The following RPTOR variants were observed in gnomAD, a reference collection of about 807,000 sequenced individuals.
RPTOR encodes regulatory associated protein of MTOR complex 1, also known as regulatory-associated protein of mTOR.
RPTOR carries 21 observed loss-of-function variants against 169.9 expected under a neutral mutation model. The observed-to-expected ratio is 0.12, with a 90% CI of 0.09 to 0.18. The LOEUF (loss-of-function observed/expected upper bound fraction) is 0.18, where lower values mean the gene tolerates loss of function less well. Ranked by LOEUF, RPTOR falls within the 10% of genes least tolerant of loss-of-function variation. The pLI, the probability that RPTOR is intolerant of heterozygous loss-of-function variation, is 1.00. For missense variants in RPTOR, 1,133 were observed against 1,855.9 expected, an observed-to-expected ratio of 0.61 and a Z score of 7.16; for synonymous variants, 732 against 753.2, an observed-to-expected ratio of 0.97 and a Z score of 0.46.
In RPTOR at chr17:80,576,233, T is replaced by C. The variant is rs577759378; in HGVS notation, c.162+30442T>C. 5.1e-4 allele frequency among the ~76,000 whole-genome samples: 78 copies of C among 152,356 alleles called. 1 individual carries two copies. The highest frequency in any genetic ancestry group is 1.7e-3 in the African/African-American group (71 of 41,588). On this transcript the variant is annotated intron_variant, in intron 1 of 33. Coordinates refer to ENST00000306801, the MANE Select transcript of RPTOR (RefSeq NM_020761.3). ...TAAATCTGCCATCTCTTTTGTGCTT[T>C]CTATTTGTCCTTCCTGTAATGTTTT... is the stretch of plus-strand genomic sequence containing the variant.
At chr17:80,961,638 C>T in intron 31 of RPTOR, 158 bp downstream of exon 31, 2 of 832,328 alleles carry the variant, frequency 2.4e-6, no homozygotes, top group Non-Finnish European at 3.6e-6. Flanking sequence ...TCAGGCGCAG[C>T]CCGTAGGGGC....
At chr17:80,576,179 C>T (rs2064961565) in intron 1 of RPTOR, among the ~76,000 whole-genome samples, 1 of 152,154 alleles carries the variant, frequency 6.6e-6, no homozygotes, top group Non-Finnish European at 1.5e-5. Context: ...TCAGTTGGAG[C>T]ACTTAGTCTA....
At chr17:80,625,165 C>T (rs1015342646) in intron 1 of RPTOR, among the ~76,000 whole-genome samples, 3 of 152,096 alleles carry the variant, frequency 2.0e-5, no homozygotes, top group African/African-American at 2.4e-5. Context: ...AGATGGTCCA[C>T]GGAGAGTGAA....
chr17:80,710,571 ATGTGTGTGTGTGTGTGTGTG>A (rs59732457), intron 4 of RPTOR, among the ~76,000 whole-genome samples: 5 of 145,024 alleles, frequency 3.4e-5, no homozygotes, highest in South Asian at 2.2e-4. Context: ...GGTTATTTGT[ATGTGTGTGTGTGTGTGTGTG>A]TGTGTGTGTG....
At chr17:80,963,446 C>G (rs2069375208) in intron 33 of RPTOR, among the ~76,000 whole-genome samples, 6 of 97,016 alleles carry the variant, frequency 6.2e-5, no homozygotes, top group Admixed American at 2.0e-4. Flanking sequence ...CACCCCGTCC[C>G]CTCTGCGGCC....
chr17:80,691,313 G>A lies in RPTOR; in HGVS notation c.349-16528G>A, dbSNP rs563756170. Reference sequence around the variant, plus strand: ...GCATGTCGTGTGTGTGTGCATGCACGTGTGTGCATGCATAGGTATGTGTGT... The same window carrying A: ...GCATGTCGTGTGTGTGTGCATGCACATGTGTGCATGCATAGGTATGTGTGT... On this transcript the variant is annotated intron_variant, in intron 3 of 33. Coordinates refer to ENST00000306801, the MANE Select transcript of RPTOR (RefSeq NM_020761.3). Among the ~76,000 whole-genome samples, 416 of 110,520 alleles carry A rather than the reference G, an allele frequency of 3.8e-3. 3 individuals are homozygous for A. Among genetic ancestry groups the A allele is most frequent in the African/African-American group, 0.022 (397 of 18,222 alleles). The allele number at this position is 110,520 out of a possible 152,430, so 72.5% of individuals were successfully genotyped here. A position where few individuals can be genotyped will look rare whatever the true frequency, so the allele number is the denominator to read the frequency against.
At chr17:80,930,080 C>T (rs886461963) in intron 24 of RPTOR, among the ~76,000 whole-genome samples, 2 of 150,418 alleles carry the variant, frequency 1.3e-5, no homozygotes, top group Non-Finnish European at 3.0e-5. Flanking sequence ...CCCAGCTCAT[C>T]CCCAGCGCAT....
intron 1 of RPTOR, among the ~76,000 whole-genome samples, chr17:80,573,884 C>T (rs568235317): frequency 6.6e-6 from 1 of 152,350 alleles, no homozygotes; most frequent in African/African-American, 2.4e-5. Flanking sequence ...TAGCACTGGC[C>T]TTCCCCATTT....
intron 28 of RPTOR, among the ~76,000 whole-genome samples, chr17:80,954,768 T>G (rs999991936): frequency 6.6e-6 from 1 of 152,034 alleles, no homozygotes; most frequent in African/African-American, 2.4e-5. Context: ...AATACAAAAA[T>G]TAGCTGGACA....
intron 20 of RPTOR, among the ~76,000 whole-genome samples, chr17:80,900,739 C>G (rs1197048558): frequency 1.3e-5 from 2 of 152,228 alleles, no homozygotes; most frequent in Non-Finnish European, 1.5e-5. Context: ...GTTCTCGGTT[C>G]ACTCTCGTCC....
intron 3 of RPTOR, among the ~76,000 whole-genome samples, chr17:80,679,622 T>C (rs545756118): frequency 6.6e-6 from 1 of 152,372 alleles, no homozygotes; most frequent in Admixed American, 6.5e-5. Context: ...ATTCTGAGAA[T>C]AGCTTATTTA....
intron 6 of RPTOR, among the ~76,000 whole-genome samples, chr17:80,772,884 G>A (rs12947507): frequency 0.18 from 26,740 of 152,122 alleles, 2,796 homozygotes; most frequent in East Asian, 0.24. Context: ...GGACATCAAG[G>A]TGTGAACTCG....
intron 5 of RPTOR, among the ~76,000 whole-genome samples, chr17:80,753,358 G>T (rs2066647508): frequency 7.1e-6 from 1 of 141,066 alleles, no homozygotes; most frequent in South Asian, 2.4e-4. Flanking sequence ...GTTTAGGCCG[G>T]GCGCGGTGGC....
intron 17 of RPTOR, 21 bp from the exon 18 acceptor site, chr17:80,891,699 G>A: frequency 6.6e-7 from 1 of 1,515,462 alleles, no homozygotes; most frequent in Non-Finnish European, 9.1e-7. Context: ...GACTGTTATT[G>A]TCCCTTCTCC....
At chr17:80,644,827 G>A (rs986714375) in intron 3 of RPTOR, among the ~76,000 whole-genome samples, 1 of 152,136 alleles carries the variant, frequency 6.6e-6, no homozygotes, top group Non-Finnish European at 1.5e-5. Context: ...TTCTGCTGTT[G>A]CTTCCAGTCA....
intron 1 of RPTOR, among the ~76,000 whole-genome samples, chr17:80,586,508 A>G (rs1433020992): frequency 6.6e-6 from 1 of 152,258 alleles, no homozygotes. Context: ...GGAAAAAAGC[A>G]GTAAGAAAGT....
chr17:80,728,972 A>AACT (rs2066364783), intron 4 of RPTOR, among the ~76,000 whole-genome samples: 2 of 152,224 alleles, frequency 1.3e-5, no homozygotes, highest in Non-Finnish European at 2.9e-5. Flanking sequence ...TGTTTGGCAG[A>AACT]GCACAGGTAG....
At chr17:80,782,654 T>C (rs2066953159) in intron 6 of RPTOR, among the ~76,000 whole-genome samples, 1 of 152,156 alleles carries the variant, frequency 6.6e-6, no homozygotes, top group Admixed American at 6.5e-5. Context: ...AGCCCTGTAC[T>C]GAATTAGAAC....
chr17:80,639,577 C>T (rs2065536091), intron 2 of RPTOR, among the ~76,000 whole-genome samples: 1 of 152,192 alleles, frequency 6.6e-6, no homozygotes, highest in African/African-American at 2.4e-5. Context: ...ATGGAGCACA[C>T]AGCCCGCACT....
Sources: gnomAD v4.1 joint callset for allele counts (sites outside exome capture counted in the v4.1 genomes callset) on GRCh38, gnomAD v4.1.1 for gene constraint, MANE v1.5 for transcripts, NCBI Gene and HGNC (gene_info 2026-07-23, HGNC 2026-07-21) for gene names.